The following MAST4 variants were observed in gnomAD, a reference collection of about 807,000 sequenced individuals.
The protein encoded by MAST4 is microtubule associated serine/threonine kinase family member 4.
Under a neutral mutation model 162.7 loss-of-function variants are expected in MAST4, and 89 were observed. The ratio of observed to expected loss-of-function variants is 0.55; its 90% CI spans 0.46 to 0.65. MAST4 has a LOEUF of 0.65. Ranked by LOEUF, MAST4 falls within the 30% of genes least tolerant of loss-of-function variation. MAST4 has a pLI of 0.00. For synonymous variants in MAST4, 1,479 were observed against 1,361.1 expected, an observed-to-expected ratio of 1.09 and a Z score of -1.91; for missense variants, 3,153 against 3,374.0, an observed-to-expected ratio of 0.93 and a Z score of 1.62.
chr5:66,862,547 T>C lies in MAST4; in HGVS notation c.643-37404T>C, dbSNP rs1022231013. On this transcript the variant is annotated intron_variant, in intron 3 of 28. Coordinates refer to ENST00000403625, the MANE Select transcript of MAST4 (RefSeq NM_001164664.2). ...TTTAAAATGCTCTAACAAACGATCA[T>C]TGACCGATGGATATAATATAGTCTA... Among the ~76,000 whole-genome samples, 6 of 152,338 alleles carry C rather than the reference T, an allele frequency of 3.9e-5. No individual in the cohort carries two copies. The South Asian group carries it at 1.2e-3, about 32-fold the overall frequency.
At chr5:66,631,744 A>G (rs1039285603) in intron 1 of MAST4, among the ~76,000 whole-genome samples, 1 of 152,188 alleles carries the variant, frequency 6.6e-6, no homozygotes, top group Non-Finnish European at 1.5e-5. Context: ...ATGATTTAAC[A>G]TCTTGGACCC....
At chr5:66,873,300 A>G (rs1761072959) in intron 3 of MAST4, among the ~76,000 whole-genome samples, 1 of 152,200 alleles carries the variant, frequency 6.6e-6, no homozygotes. Flanking sequence ...CATTACTTGG[A>G]CAGTAAATGG....
intron 4 of MAST4, among the ~76,000 whole-genome samples, chr5:67,011,924 G>A (rs780857777): frequency 2.0e-5 from 3 of 152,140 alleles, no homozygotes; most frequent in Admixed American, 6.6e-5. Flanking sequence ...GATTTCAAAA[G>A]AAATTCATTA....
At chr5:67,019,843 G>T (rs1019311622) in intron 4 of MAST4, among the ~76,000 whole-genome samples, 1 of 152,166 alleles carries the variant, frequency 6.6e-6, no homozygotes, top group Non-Finnish European at 1.5e-5. Flanking sequence ...ATTCATGGAG[G>T]TATAATCTGG....
intron 3 of MAST4, chr5:66,828,674 G>A (rs371777491): frequency 2.6e-5 from 23 of 882,654 alleles, no homozygotes; most frequent in Admixed American, 1.5e-4. Flanking sequence ...CGTGATCTCC[G>A]AAGTTGCTGG....
At chr5:67,124,059 G>T (rs1767897267) in intron 14 of MAST4, among the ~76,000 whole-genome samples, 1 of 152,194 alleles carries the variant, frequency 6.6e-6, no homozygotes, top group South Asian at 2.1e-4. Flanking sequence ...CTATAGGGCT[G>T]ATTCATTCTG....
intron 4 of MAST4, among the ~76,000 whole-genome samples, chr5:66,985,838 A>T (rs534609043): frequency 6.6e-6 from 1 of 152,170 alleles, no homozygotes; most frequent in Non-Finnish European, 1.5e-5. Context: ...ATAGTAGTGA[A>T]AACTCCAGCA....
chr5:66,929,393 G>GA (rs1247420868), intron 4 of MAST4, among the ~76,000 whole-genome samples: 2 of 152,124 alleles, frequency 1.3e-5, no homozygotes, highest in Non-Finnish European at 2.9e-5. Flanking sequence ...GACATTGAGA[G>GA]AAAATCTTCT....
intron 5 of MAST4, among the ~76,000 whole-genome samples, chr5:67,078,892 ATTTATATATT>A (rs1164109796): frequency 4.7e-5 from 4 of 85,702 alleles, no homozygotes; most frequent in African/African-American, 2.1e-4. Context: ...ATATTTATAT[ATTTATATATT>A]TTTATATAAA....
chr5:67,062,437 A>AAT (rs1329689201), intron 5 of MAST4, among the ~76,000 whole-genome samples: 1 of 152,144 alleles, frequency 6.6e-6, no homozygotes, highest in Non-Finnish European at 1.5e-5. Context: ...CCCTGAGTGA[A>AAT]ATATTGCCTT....
At chr5:66,690,664 C>T (rs1748981987) in intron 1 of MAST4, among the ~76,000 whole-genome samples, 1 of 152,060 alleles carries the variant, frequency 6.6e-6, no homozygotes, top group African/African-American at 2.4e-5. Context: ...AAGAAAACAC[C>T]GTCATTTAAA....
At chr5:66,875,776 TTA>T (rs1440326014) in intron 3 of MAST4, among the ~76,000 whole-genome samples, 17 of 152,332 alleles carry the variant, frequency 1.1e-4, no homozygotes, top group African/African-American at 3.6e-4. Flanking sequence ...AAAAATAATT[TTA>T]GAGACAGAGT....
intron 1 of MAST4, among the ~76,000 whole-genome samples, chr5:66,739,446 A>ACT (rs1294695152): frequency 1.3e-5 from 2 of 152,122 alleles, no homozygotes; most frequent in Non-Finnish European, 2.9e-5. Context: ...GTAGAGAATG[A>ACT]CTGGGGCCCT....
chr5:67,098,921 A>G (rs1764729422), intron 7 of MAST4, among the ~76,000 whole-genome samples: 1 of 152,182 alleles, frequency 6.6e-6, no homozygotes, highest in African/African-American at 2.4e-5. Context: ...CAACATTCAT[A>G]CTAAGTAGAT....
intron 4 of MAST4, among the ~76,000 whole-genome samples, chr5:66,949,134 A>G (rs1744377405): frequency 6.6e-6 from 1 of 152,186 alleles, no homozygotes; most frequent in Admixed American, 6.5e-5. Flanking sequence ...GTTTTGTCAA[A>G]CAACTTGTCC....
intron 14 of MAST4, among the ~76,000 whole-genome samples, chr5:67,129,794 C>G (rs997066550): frequency 6.6e-6 from 1 of 151,728 alleles, no homozygotes; most frequent in Non-Finnish European, 1.5e-5. Context: ...TGTCTAATAT[C>G]TACTATCTAA....
At chr5:66,715,600 A>G (rs995952329) in intron 1 of MAST4, among the ~76,000 whole-genome samples, 6 of 151,694 alleles carry the variant, frequency 4.0e-5, no homozygotes, top group South Asian at 4.2e-4. Context: ...CAGCACACCA[A>G]CATGGCACAT....
At chr5:66,647,990 T>C (rs1745954907) in intron 1 of MAST4, among the ~76,000 whole-genome samples, 1 of 151,714 alleles carries the variant, frequency 6.6e-6, no homozygotes, top group African/African-American at 2.4e-5. Context: ...GGGAAATTCC[T>C]GACTTCATCT....
rs560472650 is a variant in MAST4, at chr5:66,951,628, G to A, written c.674+51646G>A. 1.4e-3 allele frequency among the ~76,000 whole-genome samples: 208 copies of A among 145,666 alleles called. 1 individual carries two copies. Among genetic ancestry groups the A allele is most frequent in the Middle Eastern group, 7.0e-3 (2 of 284 alleles). On this transcript the variant is annotated intron_variant, in intron 4 of 28. Coordinates refer to ENST00000403625, the MANE Select transcript of MAST4 (RefSeq NM_001164664.2). ...TGTGTGTGTGTGTGTGTGTGTGTGT[G>A]TGTGTGTGTGTGTGTGTGTGTGTGT...
Sources: gnomAD v4.1 joint callset for allele counts (sites outside exome capture counted in the v4.1 genomes callset) on GRCh38, gnomAD v4.1.1 for gene constraint, MANE v1.5 for transcripts, NCBI Gene and HGNC (gene_info 2026-07-23, HGNC 2026-07-21) for gene names.